The following GREB1 variants were observed in gnomAD, a reference collection of about 807,000 sequenced individuals.
GREB1 encodes the protein protein GREB1.
In GREB1, 106 loss-of-function variants were observed where a neutral mutation model predicts 200.7. The observed-to-expected ratio is 0.53, with a 90% CI of 0.45 to 0.62. GREB1 has a LOEUF of 0.62. GREB1 is among the 20% of genes least tolerant of loss of function. The pLI is 0.00. For synonymous variants in GREB1, 1,132 were observed against 1,092.4 expected (o/e 1.04, Z -0.72); for missense variants, 2,243 against 2,556.8 (o/e 0.88, Z 2.65).
At chr2:11,484,585 TAAAAAACAA>T (rs1261907161) in intron 1 of GREB1, among the ~76,000 whole-genome samples, 4 of 7,782 alleles carry the variant, frequency 5.1e-4, no homozygotes, top group Non-Finnish European at 1.3e-3. Flanking sequence ...TCTCATCTCT[TAAAAAACAA>T]AAAAAAAAAA....
chr2:11,637,630 C>A, intron 30 of GREB1, 86 bp from the exon 31 acceptor site: 3 of 1,211,114 alleles, frequency 2.5e-6, no homozygotes, highest in Non-Finnish European at 2.4e-6. Context: ...AGCTCCCATG[C>A]TTGGGCCACC....
At chr2:11,553,761 G>A (rs549519742) in intron 1 of GREB1, among the ~76,000 whole-genome samples, 10 of 152,136 alleles carry the variant, frequency 6.6e-5, no homozygotes, top group South Asian at 2.1e-4. Context: ...TTATTGCCCC[G>A]TCTACATCAG....
At chr2:11,602,299 A>C (rs1681849133) in intron 16 of GREB1, 107 bp from the exon 17 acceptor site, 1 of 933,374 alleles carries the variant, frequency 1.1e-6, no homozygotes, top group Non-Finnish European at 1.7e-6. Flanking sequence ...AGTGGGCACG[A>C]TTTGGATGAA....
intron 4 of GREB1, among the ~76,000 whole-genome samples, chr2:11,567,467 A>C (rs1398603494): frequency 6.6e-6 from 1 of 152,040 alleles, no homozygotes; most frequent in Non-Finnish European, 1.5e-5. Context: ...GTGAGCTTGG[A>C]TCTGTTAAAT....
At chr2:11,632,855 T>C in intron 27 of GREB1, 34 bp from the exon 28 acceptor site, 7 of 1,598,776 alleles carry the variant, frequency 4.4e-6, no homozygotes, top group Non-Finnish European at 5.1e-6. Context: ...TGGGTGCAGG[T>C]CAGTCCTGAG....
chr2:11,624,822 T>G (rs1489019410), intron 23 of GREB1, among the ~76,000 whole-genome samples: 1 of 76,786 alleles, frequency 1.3e-5, no homozygotes, highest in Non-Finnish European at 2.5e-5. Context: ...TTTTTGCAAT[T>G]TTTTTTTTAA....
chr2:11,549,126 A>G (rs1228257460), intron 1 of GREB1, among the ~76,000 whole-genome samples: 3 of 152,026 alleles, frequency 2.0e-5, no homozygotes, highest in Non-Finnish European at 4.4e-5. Flanking sequence ...TAAATCTGGA[A>G]ATCTATGTTT....
In GREB1 at chr2:11,486,679, C is replaced by G. The variant is rs180723091; in HGVS notation, c.-159+4298C>G. 3.9e-4 allele frequency among the ~76,000 whole-genome samples: 59 copies of G among 152,042 alleles called. No individual in the cohort carries two copies. The East Asian group carries it at 0.011, about 28-fold the overall frequency. ...GGCCAGGAGTTCGAGACTAGCCTGG[C>G]TAATGTGGTGAAACCCCGTCTCTAC... is the stretch of plus-strand genomic sequence containing the variant. On this transcript the variant is annotated intron_variant, in intron 1 of 2. Coordinates refer to the GREB1 transcript ENST00000628795.
chr2:11,566,747 G>A, intron 4 of GREB1, 91 bp downstream of exon 4: 9 of 1,216,714 alleles, frequency 7.4e-6, no homozygotes, highest in Non-Finnish European at 1.0e-5. Context: ...TGGCAACAGA[G>A]GGACCATCTT....
At position 11,640,161 on chromosome 2, in the gene GREB1, C is replaced by A. The variant is rs1015136618; in HGVS notation, c.5687-130C>A. The A allele has an allele frequency of 1.0e-5, 8 of 774,172 alleles. No individual in the cohort carries two copies. The highest frequency in any genetic ancestry group is 7.0e-5 in the African/African-American group (4 of 57,358). The allele number at this position is 774,172 out of a possible 1,614,324, so 48.0% of individuals were successfully genotyped here. A position where few individuals can be genotyped will look rare whatever the true frequency, so the allele number is the denominator to read the frequency against. On this transcript the variant is annotated intron_variant, in intron 32 of 32. Transcript: ENST00000381486. This position sits in a 1 kb window ranked among gnomAD's most constrained non-coding sequence, Gnocchi z 4.6. ...CATCATCCCGAAAGAAGCAAGGGGC[C>A]GACTTGGATGCCGCTTCTGCCCTTC...
chr2:11,631,855 A>G, intron 26 of GREB1, 54 bp from the exon 27 acceptor site: 5 of 1,305,660 alleles, frequency 3.8e-6, no homozygotes, highest in Non-Finnish European at 5.5e-6. Flanking sequence ...TGTCAAGGGA[A>G]TAATTGCAGC....
intron 4 of GREB1, among the ~76,000 whole-genome samples, chr2:11,571,038 G>GAT (rs150027099): frequency 0.048 from 7,191 of 150,570 alleles, 509 homozygotes; most frequent in African/African-American, 0.16. Context: ...AGGGGCTCTG[G>GAT]ATATATATAT....
Position 11,570,401 on chromosome 2 carries a change from TAA to T in GREB1, c.454+3760_454+3761del, listed in dbSNP as rs202175567. Among the ~76,000 whole-genome samples, 64 of 132,146 alleles carry T rather than the reference TAA, an allele frequency of 4.8e-4. 1 individual carries two copies. The highest frequency in any genetic ancestry group is 7.0e-4 in the Admixed American group (9 of 12,944). The allele number at this position is 132,146 out of a possible 152,430, so 86.7% of individuals were successfully genotyped here. On this transcript the variant is annotated intron_variant, in intron 4 of 32. Coordinates refer to ENST00000381486, the MANE Select transcript of GREB1 (RefSeq NM_014668.4). ...CTAGGCGACAAGAGTGAAACTCCAT[TAA>T]AAAAAAAAAAAAAAGATAACGGCTT...
At position 11,595,374 on chromosome 2, in the gene GREB1, G is replaced by C; in HGVS notation, c.1820G>C (p.Cys607Ser). 1 of 1,613,290 alleles carries C rather than the reference G, an allele frequency of 6.2e-7. No homozygotes were observed. Among genetic ancestry groups the C allele is most frequent in the East Asian group, 2.2e-5 (1 of 44,846 alleles). ...DSLGAFFSTL[C>S]PEGDIDILLD... Reference sequence around the variant, plus strand: ...CTGGGGGCCTTCTTTAGCACCCTCTGTCCAGGTAGGCTTGTCGTGAGACAG... The same window carrying C: ...CTGGGGGCCTTCTTTAGCACCCTCTCTCCAGGTAGGCTTGTCGTGAGACAG... The change falls in exon 12 of 33, where the codon TGT becomes TCT. Residue 607 changes from cysteine (C) to serine (S), a missense_variant. Cys to Ser is a moderately radical substitution (Grantham distance 112). This residue lies in a region of GREB1 where 1,178 missense variants were observed against 1,387.4 expected (regional missense o/e 0.85). Transcript: ENST00000381486.
At chr2:11,496,917 G>A (rs77490640) in intron 1 of GREB1, among the ~76,000 whole-genome samples, 2,986 of 152,034 alleles carry the variant, frequency 0.02, 71 homozygotes, top group African/African-American at 0.056. Context: ...ATTCAGTAGC[G>A]TGATTATAGC....
chr2:11,596,146 C>G lies in GREB1; in HGVS notation c.1861C>G (p.Gln621Glu), dbSNP rs1293946118. The G allele has an allele frequency of 4.3e-6, 7 of 1,613,684 alleles. No individual in the cohort carries two copies. Among genetic ancestry groups the G allele is most frequent in the Non-Finnish European group, 5.9e-6 (7 of 1,179,652 alleles). ...TGACATTTTGCTGGACAAATTTCAC[C>G]AGGAAAATCAAGGCCATATTTCTTC... is the stretch of plus-strand genomic sequence containing the variant. ...DIDILLDKFH[Q>E]ENQGHISSSL... The change falls in exon 13 of 33, where the codon CAG becomes GAG. Residue 621 changes from glutamine to glutamate, a missense_variant. Coordinates refer to ENST00000381486, the MANE Select transcript of GREB1 (RefSeq NM_014668.4).
intron 1 of GREB1, among the ~76,000 whole-genome samples, chr2:11,553,011 A>AAAAC (rs1418604721): frequency 4.1e-5 from 6 of 146,774 alleles, no homozygotes; most frequent in African/African-American, 1.5e-4. Context: ...CTCCGTCTCA[A>AAAAC]AAAAAAAAAA....
chr2:11,557,386 G>A (rs1268366347), intron 2 of GREB1, among the ~76,000 whole-genome samples: 1 of 152,224 alleles, frequency 6.6e-6, no homozygotes, highest in Non-Finnish European at 1.5e-5. Context: ...TGTTATGGAA[G>A]TTCTTTTTGT....
intron 17 of GREB1, 24 bp from the exon 18 acceptor site, chr2:11,610,664 A>G (rs773127330): frequency 7.6e-6 from 12 of 1,572,908 alleles, no homozygotes; most frequent in Admixed American, 6.9e-5. Context: ...CGTCACAGAC[A>G]TGGTCTCTCT....
Sources: gnomAD v4.1 joint callset for allele counts (sites outside exome capture counted in the v4.1 genomes callset) on GRCh38, gnomAD v4.1.1 for gene constraint, gnomAD v4.1.1 regional missense constraint, Gnocchi (gnomAD v3.1) non-coding constraint, MANE v1.5 for transcripts, NCBI Gene and HGNC (gene_info 2026-07-23, HGNC 2026-07-21) for gene names.